The following LINGO2 variants were observed in gnomAD, a reference collection of about 807,000 sequenced individuals.
LINGO2 encodes leucine rich repeat and Ig domain containing 2.
Under a neutral mutation model 30.6 loss-of-function variants are expected in LINGO2, and 14 were observed. The observed-to-expected ratio is 0.46, with a 90% confidence interval of 0.30 to 0.72. The LOEUF (loss-of-function observed/expected upper bound fraction) is 0.72, where lower values mean the gene tolerates loss of function less well. Among genes scored for constraint, LINGO2 ranks in the 30% least tolerant of loss-of-function variants. The pLI, the probability that LINGO2 is intolerant of heterozygous loss-of-function variation, is 0.07. For synonymous variants in LINGO2, 317 were observed against 288.5 expected, an observed-to-expected ratio of 1.10 and a Z score of -1.00; for missense variants, 729 against 751.7, an observed-to-expected ratio of 0.97 and a Z score of 0.35.
intron 3 of LINGO2, among the ~76,000 whole-genome samples, chr9:28,323,495 G>A (rs976651353): frequency 6.6e-6 from 1 of 152,134 alleles, no homozygotes; most frequent in Non-Finnish European, 1.5e-5. Context: ...AGCTAATTGG[G>A]AGGCTGAGGC....
chr9:28,690,254 A>G, the LINGO2 span, among the ~76,000 whole-genome samples: 1 of 152,018 alleles, frequency 6.6e-6, no homozygotes, highest in Non-Finnish European at 1.5e-5. Flanking sequence ...TGAAACAAAA[A>G]CAAACAAACA....
the LINGO2 span, among the ~76,000 whole-genome samples, chr9:29,138,868 C>T: frequency 6.6e-6 from 1 of 152,130 alleles, no homozygotes; most frequent in Admixed American, 6.6e-5. Flanking sequence ...AAATGGCAAC[C>T]ATGATCTCCA....
the LINGO2 span, among the ~76,000 whole-genome samples, chr9:29,152,206 ATTGT>A: frequency 6.6e-6 from 1 of 152,172 alleles, no homozygotes; most frequent in South Asian, 2.1e-4. Flanking sequence ...ACACTTATAC[ATTGT>A]TTGTGGGAAT....
chr9:29,086,121 A>G, the LINGO2 span, among the ~76,000 whole-genome samples: 1 of 152,172 alleles, frequency 6.6e-6, no homozygotes, highest in South Asian at 2.1e-4. Context: ...GTGTGAGACA[A>G]AACAATAAAG....
At position 28,444,642 on chromosome 9, in the gene LINGO2, C is replaced by A. The variant is rs549195318; in HGVS notation, c.-279+31298G>T. On this transcript the variant is annotated intron_variant, in intron 2 of 5. Coordinates refer to ENST00000379992, the Ensembl canonical transcript of LINGO2. ...CTGGCATCTCTGAGCTTTCAAGCAC[C>A]ACCATATTCCCCTCATCCAGACACT... Among the ~76,000 whole-genome samples the A allele has an allele frequency of 1.6e-3, 244 of 152,328 alleles. 1 individual carries two copies. The highest frequency in any genetic ancestry group is 5.7e-3 in the African/African-American group (236 of 41,572).
At chr9:28,325,389 G>T (rs1327744799) in intron 3 of LINGO2, among the ~76,000 whole-genome samples, 10 of 152,030 alleles carry the variant, frequency 6.6e-5, no homozygotes, top group Non-Finnish European at 1.5e-5. Flanking sequence ...CTGTAGAACA[G>T]CTGGAGCCAA....
At chr9:28,772,912 A>G in the LINGO2 span, among the ~76,000 whole-genome samples, 19 of 152,198 alleles carry the variant, frequency 1.2e-4, no homozygotes, top group African/African-American at 4.1e-4. Flanking sequence ...ACAACAGCAC[A>G]TCACTGAAAT....
chr9:28,056,131 T>C (rs1587784537), intron 4 of LINGO2, among the ~76,000 whole-genome samples: 1 of 152,176 alleles, frequency 6.6e-6, no homozygotes, highest in Admixed American at 6.5e-5. Context: ...CCGCCCTTCC[T>C]ATTTATTGTG....
At chr9:28,844,454 G>A in the LINGO2 span, among the ~76,000 whole-genome samples, 1 of 151,914 alleles carries the variant, frequency 6.6e-6, no homozygotes, top group Non-Finnish European at 1.5e-5. Flanking sequence ...GGCACTGACT[G>A]AGGAGTGTTT....
chr9:28,204,444 T>C (rs1210246800), intron 4 of LINGO2, among the ~76,000 whole-genome samples: 1 of 152,192 alleles, frequency 6.6e-6, no homozygotes, highest in African/African-American at 2.4e-5. Context: ...AGTATATTTT[T>C]CTATTTTGTA....
chr9:28,813,199 T>C, the LINGO2 span, among the ~76,000 whole-genome samples: 2 of 151,994 alleles, frequency 1.3e-5, no homozygotes, highest in Admixed American at 6.6e-5. Flanking sequence ...TGGGATACAG[T>C]AGCCCAGCCC....
At chr9:28,234,964 A>C (rs1443604535) in intron 4 of LINGO2, among the ~76,000 whole-genome samples, 1 of 152,204 alleles carries the variant, frequency 6.6e-6, no homozygotes, top group Non-Finnish European at 1.5e-5. Flanking sequence ...CATAAGGTGA[A>C]TTGCTAAGAT....
chr9:28,486,561 G>A (rs1043256841), intron 1 of LINGO2, among the ~76,000 whole-genome samples: 4 of 152,116 alleles, frequency 2.6e-5, no homozygotes, highest in Non-Finnish European at 5.9e-5. Flanking sequence ...ACATGTGTGT[G>A]CATGCATGTA....
At chr9:28,442,612 T>C (rs182205483) in intron 2 of LINGO2, among the ~76,000 whole-genome samples, 17 of 152,290 alleles carry the variant, frequency 1.1e-4, no homozygotes, top group Admixed American at 1.1e-3. Flanking sequence ...ATACTTCCAT[T>C]AAATGCATTC....
chr9:28,056,081 T>G (rs1337900753), intron 4 of LINGO2, among the ~76,000 whole-genome samples: 1 of 152,134 alleles, frequency 6.6e-6, no homozygotes, highest in African/African-American at 2.4e-5. Flanking sequence ...AGAAAGGAGC[T>G]CCCCGCTTTC....
intron 3 of LINGO2, among the ~76,000 whole-genome samples, chr9:28,337,729 G>A (rs1825635741): frequency 6.6e-6 from 1 of 152,124 alleles, no homozygotes; most frequent in Admixed American, 6.5e-5. Context: ...GAGAGTGCCA[G>A]CCCCAAACTT....
the LINGO2 span, among the ~76,000 whole-genome samples, chr9:28,687,908 T>C: frequency 6.6e-6 from 1 of 152,084 alleles, no homozygotes; most frequent in African/African-American, 2.4e-5. Flanking sequence ...CAAATCACAA[T>C]TGAAAAGCTT....
At chr9:28,664,163 CAG>C (rs1235672256) in intron 1 of LINGO2, among the ~76,000 whole-genome samples, 26 of 152,042 alleles carry the variant, frequency 1.7e-4, no homozygotes, top group African/African-American at 6.0e-4. Flanking sequence ...AAAATTAAAA[CAG>C]ATAAAATAAT....
intron 1 of LINGO2, among the ~76,000 whole-genome samples, chr9:28,514,823 G>A (rs999510732): frequency 6.6e-6 from 1 of 152,066 alleles, no homozygotes; most frequent in African/African-American, 2.4e-5. Flanking sequence ...AGCCTTCAAT[G>A]TAGACAAAAC....
Sources: gnomAD v4.1 joint callset for allele counts (sites outside exome capture counted in the v4.1 genomes callset) on GRCh38, gnomAD v4.1.1 for gene constraint, MANE v1.5 for transcripts, NCBI Gene and HGNC (gene_info 2026-07-23, HGNC 2026-07-21) for gene names.